KCNIP4: variants seen among roughly 807,000 people sequenced by gnomAD.
KCNIP4 encodes potassium voltage-gated channel interacting protein 4, also known as Kv channel-interacting protein 4.
In KCNIP4, 12 loss-of-function variants were observed where a neutral mutation model predicts 34.0. The ratio of observed to expected loss-of-function variants is 0.35; its 90% CI spans 0.23 to 0.57. The LOEUF is 0.57. Ranked by LOEUF, KCNIP4 falls within the 20% of genes least tolerant of loss-of-function variation. The pLI, the probability that KCNIP4 is intolerant of heterozygous loss-of-function variation, is 0.83. For missense variants in KCNIP4, 238 were observed against 311.7 expected, an observed-to-expected ratio of 0.76 and a Z score of 1.78; for synonymous variants, 124 against 102.2, an observed-to-expected ratio of 1.21 and a Z score of -1.29.
intron 1 of KCNIP4, among the ~76,000 whole-genome samples, chr4:21,168,732 T>A (rs1425748682): frequency 6.6e-6 from 1 of 152,102 alleles, no homozygotes; most frequent in Non-Finnish European, 1.5e-5. Context: ...AAGGCCACAT[T>A]AGTCTGGAAA....
chr4:20,732,834 A>G (rs1191117864), intron 6 of KCNIP4, 49 bp from the exon 7 acceptor site: 2 of 1,137,532 alleles, frequency 1.8e-6, no homozygotes, highest in African/African-American at 1.5e-5. Flanking sequence ...GTATGAAGAA[A>G]CCAGTCTAAG....
At chr4:21,345,892 G>C (rs1717260676) in intron 1 of KCNIP4, among the ~76,000 whole-genome samples, 1 of 151,022 alleles carries the variant, frequency 6.6e-6, no homozygotes, top group Admixed American at 6.7e-5. Flanking sequence ...AAAATGGCCT[G>C]TGTTGAGAAA....
At chr4:20,931,274 G>T (rs1304357744) in intron 1 of KCNIP4, among the ~76,000 whole-genome samples, 1 of 151,932 alleles carries the variant, frequency 6.6e-6, no homozygotes, top group Non-Finnish European at 1.5e-5. Flanking sequence ...GCCATGACAT[G>T]GAGGCATGGG....
rs553035642 is a variant in KCNIP4 at position 21,200,382 on chromosome 4, G to A, written c.62-317673C>T. 1.3e-4 allele frequency among the ~76,000 whole-genome samples: 7 copies of A among 54,554 alleles called. 1 individual carries two copies. The East Asian group carries it at 3.3e-3, about 26-fold the overall frequency. The allele number at this position is 54,554 out of a possible 152,430, so 35.8% of individuals were successfully genotyped here. The stretch of plus-strand genomic sequence containing the variant: ...TATATATATACATACATATATGTGT[G>A]TATATATATATATACATACATATAT... On this transcript the variant is annotated intron_variant, in intron 1 of 8. Transcript: ENST00000382152.
chr4:21,661,605 C>T (rs894027390), intron 1 of KCNIP4, among the ~76,000 whole-genome samples: 1 of 152,160 alleles, frequency 6.6e-6, no homozygotes, highest in African/African-American at 2.4e-5. Flanking sequence ...GTTGTTATTA[C>T]ATCTATCTTA....
chr4:21,048,025 A>G (rs1742586292), intron 1 of KCNIP4, among the ~76,000 whole-genome samples: 1 of 152,232 alleles, frequency 6.6e-6, no homozygotes, highest in African/African-American at 2.4e-5. Flanking sequence ...ACATTCTTAC[A>G]GCAACATTTC....
intron 1 of KCNIP4, among the ~76,000 whole-genome samples, chr4:21,720,715 G>A (rs1714768226): frequency 7.6e-6 from 1 of 132,202 alleles, no homozygotes; most frequent in Admixed American, 9.3e-5. Flanking sequence ...AGTGTGTGAT[G>A]GTCCCCTTCC....
chr4:21,082,186 C>T (rs751461536), intron 1 of KCNIP4, among the ~76,000 whole-genome samples: 1 of 151,554 alleles, frequency 6.6e-6, no homozygotes, highest in African/African-American at 2.4e-5. Context: ...GATTTTTTCT[C>T]ATGCTGATTT....
chr4:21,916,094 C>T (rs1057406932), intron 1 of KCNIP4, among the ~76,000 whole-genome samples: 2 of 152,166 alleles, frequency 1.3e-5, no homozygotes, highest in Non-Finnish European at 2.9e-5. Context: ...GTCAAAATAC[C>T]TTCTCATCCT....
At chr4:21,063,842 A>G (rs1744132002) in intron 1 of KCNIP4, among the ~76,000 whole-genome samples, 1 of 152,108 alleles carries the variant, frequency 6.6e-6, no homozygotes, top group Non-Finnish European at 1.5e-5. Context: ...GAGAGAATAA[A>G]AAAATTCTTA....
intron 1 of KCNIP4, among the ~76,000 whole-genome samples, chr4:21,745,207 C>A (rs1358306754): frequency 1.3e-5 from 2 of 152,066 alleles, no homozygotes; most frequent in African/African-American, 4.8e-5. Flanking sequence ...GCATTTTAAG[C>A]AGAAGAATCA....
At chr4:21,358,797 G>T (rs1342782531) in intron 1 of KCNIP4, among the ~76,000 whole-genome samples, 1 of 151,954 alleles carries the variant, frequency 6.6e-6, no homozygotes, top group Admixed American at 6.6e-5. Context: ...GCCTCCTTTG[G>T]AAAGGCTCAT....
chr4:21,642,388 T>C (rs185253949), intron 1 of KCNIP4, among the ~76,000 whole-genome samples: 127 of 152,274 alleles, frequency 8.3e-4, no homozygotes, highest in Non-Finnish European at 1.4e-3. Flanking sequence ...AACAGTGGAA[T>C]GACCTTTTGA....
intron 1 of KCNIP4, among the ~76,000 whole-genome samples, chr4:21,445,865 A>G (rs1240998193): frequency 6.6e-6 from 1 of 152,226 alleles, no homozygotes; most frequent in Non-Finnish European, 1.5e-5. Context: ...AATTTTTGCA[A>G]TCTACTCATC....
At chr4:21,179,965 G>T (rs1045227035) in intron 1 of KCNIP4, among the ~76,000 whole-genome samples, 1 of 152,106 alleles carries the variant, frequency 6.6e-6, no homozygotes, top group African/African-American at 2.4e-5. Flanking sequence ...CATGGGTCAT[G>T]CACTGAGCAA....
chr4:20,890,209 C>T (rs1725785301), intron 1 of KCNIP4, among the ~76,000 whole-genome samples: 2 of 152,136 alleles, frequency 1.3e-5, no homozygotes, highest in Non-Finnish European at 2.9e-5. Flanking sequence ...AGCCAAAAAA[C>T]TTCTATTTTA....
chr4:21,149,849 A>C (rs1752634147), intron 1 of KCNIP4, among the ~76,000 whole-genome samples: 1 of 152,214 alleles, frequency 6.6e-6, no homozygotes, highest in African/African-American at 2.4e-5. Context: ...AAGCAGGAAT[A>C]AAATTATAAA....
intron 1 of KCNIP4, among the ~76,000 whole-genome samples, chr4:21,901,706 C>A (rs1727712216): frequency 2.0e-5 from 3 of 152,110 alleles, no homozygotes; most frequent in Admixed American, 2.0e-4. Flanking sequence ...ATGATGAAAT[C>A]TATTACTACG....
intron 1 of KCNIP4, among the ~76,000 whole-genome samples, chr4:21,105,509 G>A (rs1748435313): frequency 6.6e-6 from 1 of 151,620 alleles, no homozygotes; most frequent in African/African-American, 2.4e-5. Flanking sequence ...AGACAATGGG[G>A]TTTTCTAGAT....
Sources: allele counts gnomAD v4.1 joint callset (sites outside exome capture counted in the v4.1 genomes callset), GRCh38; gene constraint gnomAD v4.1.1; transcripts MANE v1.5; gene names NCBI Gene and HGNC (gene_info 2026-07-23, HGNC 2026-07-21).